The following MGMT variants were observed in gnomAD, a reference collection of about 807,000 sequenced individuals.
The protein encoded by MGMT is O-6-methylguanine-DNA methyltransferase.
MGMT carries 14 observed loss-of-function variants against 15.9 expected under a neutral mutation model. The observed-to-expected ratio is 0.88, with a 90% CI of 0.58 to 1.37. The LOEUF is 1.37. MGMT is among the 40% of genes most tolerant of loss of function. The pLI is 0.00. For missense variants in MGMT, 282 were observed against 268.1 expected (o/e 1.05, Z -0.36); for synonymous variants, 130 against 118.2 (o/e 1.10, Z -0.65).
intron 2 of MGMT, among the ~76,000 whole-genome samples, chr10:129,637,934 T>C (rs1847280607): frequency 6.6e-6 from 1 of 152,190 alleles, no homozygotes; most frequent in African/African-American, 2.4e-5. Context: ...CGGTCTATGG[T>C]ATTTTGTTAT....
At chr10:129,622,631 CA>C (rs988895032) in intron 2 of MGMT, among the ~76,000 whole-genome samples, 7 of 152,124 alleles carry the variant, frequency 4.6e-5, no homozygotes, top group African/African-American at 1.7e-4. Context: ...CTTTAGTGTC[CA>C]ATAACATTAC....
intron 1 of MGMT, among the ~76,000 whole-genome samples, chr10:129,530,185 G>C (rs1845915301): frequency 6.6e-6 from 1 of 150,780 alleles, no homozygotes; most frequent in African/African-American, 2.5e-5. Context: ...TTACGGGTGT[G>C]AGCCACCATG....
chr10:129,640,817 A>G (rs1423680289), intron 2 of MGMT, among the ~76,000 whole-genome samples: 3 of 152,174 alleles, frequency 2.0e-5, no homozygotes, highest in East Asian at 1.9e-4. Context: ...GTATTTCACA[A>G]TTAATCAGTT....
At chr10:129,648,956 G>GCTTT (rs2133095971) in intron 2 of MGMT, among the ~76,000 whole-genome samples, 1 of 152,300 alleles carries the variant, frequency 6.6e-6, no homozygotes, top group South Asian at 2.1e-4. Flanking sequence ...GGCGGAGGGA[G>GCTTT]CTTTGAGTAC....
intron 2 of MGMT, among the ~76,000 whole-genome samples, chr10:129,674,358 G>A (rs1188606114): frequency 4.6e-5 from 7 of 152,152 alleles, no homozygotes; most frequent in African/African-American, 9.7e-5. Flanking sequence ...TGCCACACAC[G>A]TTAGCGGTGG....
rs375911155 is a variant in MGMT, at chr10:129,689,145, G to T, written c.126-18750G>T. On this transcript the variant is annotated intron_variant, in intron 2 of 4. Coordinates refer to ENST00000651593, the MANE Select transcript of MGMT (RefSeq NM_002412.5). ...GGGTTTAGCCACTTTGCCCAGGTTT[G>T]TCTCAAATTCCTGGACTCAAGTTGT... 2.9e-3 allele frequency among the ~76,000 whole-genome samples: 440 copies of T among 152,198 alleles called. 3 individuals carry two copies. Among genetic ancestry groups the T allele is most frequent in the African/African-American group, 0.01 (432 of 41,520 alleles).
chr10:129,494,777 A>G lies in MGMT; in HGVS notation c.-13+27481A>G, dbSNP rs552791565. ...TGTTTAATGGTCTTAAGAGGTCTTT[A>G]GAGTCTATTCTAATCCTGACATCTG... is the stretch of plus-strand genomic sequence containing the variant. On this transcript the variant is annotated intron_variant, in intron 1 of 4. Coordinates refer to ENST00000651593, the MANE Select transcript of MGMT (RefSeq NM_002412.5). Among the ~76,000 whole-genome samples the G allele has an allele frequency of 9.5e-4, 144 of 152,348 alleles. 1 individual carries two copies. Among genetic ancestry groups the G allele is most frequent in the African/African-American group, 2.4e-3 (100 of 41,584 alleles).
chr10:129,482,309 A>G (rs1255078544), intron 1 of MGMT, among the ~76,000 whole-genome samples: 4 of 152,120 alleles, frequency 2.6e-5, no homozygotes, highest in Non-Finnish European at 4.4e-5. Context: ...TAATCCTCCT[A>G]GATTTGTTGA....
At chr10:129,699,347 T>G (rs1012463678) in intron 2 of MGMT, among the ~76,000 whole-genome samples, 7 of 152,206 alleles carry the variant, frequency 4.6e-5, no homozygotes, top group African/African-American at 1.4e-4. Flanking sequence ...AAGTGTTCTC[T>G]GTATTTTTGG....
intron 1 of MGMT, among the ~76,000 whole-genome samples, chr10:129,520,791 T>TGGTGCGGGTGCAGAGCCCCTAC (rs1228717490): frequency 4.5e-5 from 5 of 111,534 alleles, no homozygotes; most frequent in Admixed American, 2.6e-4. Flanking sequence ...AGAGCCCCTA[T>TGGTGCGGGTGCAGAGCCCCTAC]GGTGCGGGTG....
rs971905052 is a variant in MGMT at position 129,615,230 on chromosome 10, G to T, written c.125+78853G>T. 7.2e-5 allele frequency among the ~76,000 whole-genome samples: 11 copies of T among 152,280 alleles called. No individual in the cohort carries two copies. In the East Asian group the frequency reaches 2.1e-3, roughly 29 times the overall value. ...AATTAGGTTTGTTTTGATTTTAATT[G>T]TCAAAGGAAGGGACTGTGGGTGAGG... On this transcript the variant is annotated intron_variant, in intron 2 of 4. Coordinates refer to ENST00000651593, the MANE Select transcript of MGMT (RefSeq NM_002412.5).
At chr10:129,473,122 C>T (rs1032376841) in intron 1 of MGMT, among the ~76,000 whole-genome samples, 7 of 152,180 alleles carry the variant, frequency 4.6e-5, no homozygotes, top group African/African-American at 7.2e-5. Flanking sequence ...TCCCAAAGGA[C>T]GGACACAGGA....
chr10:129,495,758 C>T (rs915877825), intron 1 of MGMT, among the ~76,000 whole-genome samples: 2 of 152,220 alleles, frequency 1.3e-5, no homozygotes, highest in East Asian at 3.8e-4. Flanking sequence ...ATTCTTCTTC[C>T]CATTTTTCTC....
intron 2 of MGMT, among the ~76,000 whole-genome samples, chr10:129,568,838 C>T (rs2119816917): frequency 6.6e-6 from 1 of 152,256 alleles, no homozygotes; most frequent in East Asian, 1.9e-4. Flanking sequence ...GCCATTTCTT[C>T]CTGCGCTGCA....
rs755269264 is a variant in MGMT, at chr10:129,719,887, G to A, written c.274+11844G>A. ...GAGGGTAAAATGAGGCCACCAAACA[G>A]TCAGCAAAAGAAATACCTGCTTATT... On this transcript the variant is annotated intron_variant, in intron 3 of 4. Transcript: ENST00000651593. Among the ~76,000 whole-genome samples, 93 of 152,288 alleles carry A rather than the reference G, an allele frequency of 6.1e-4. 1 individual carries two copies. Among genetic ancestry groups the A allele is most frequent in the Non-Finnish European group, 8.7e-4 (59 of 68,028 alleles).
At chr10:129,714,406 GGAGA>G (rs1220033307) in intron 3 of MGMT, among the ~76,000 whole-genome samples, 1 of 152,228 alleles carries the variant, frequency 6.6e-6, no homozygotes, top group Non-Finnish European at 1.5e-5. Context: ...TCTTGGGCTA[GGAGA>G]GAGTTTTTAA....
intron 3 of MGMT, among the ~76,000 whole-genome samples, chr10:129,720,166 G>C (rs576692966): frequency 6.6e-6 from 1 of 152,186 alleles, no homozygotes; most frequent in African/African-American, 2.4e-5. Context: ...CACATGAAAT[G>C]AATGGAGCCA....
intron 2 of MGMT, 36 bp downstream of exon 2, chr10:129,536,413 A>ATGC (rs1471127695): frequency 1.9e-6 from 3 of 1,593,990 alleles, no homozygotes; most frequent in Non-Finnish European, 2.6e-6. Context: ...TATACCGCAC[A>ATGC]TGCTGAAGCA....
intron 2 of MGMT, among the ~76,000 whole-genome samples, chr10:129,650,745 G>A (rs1847447921): frequency 6.6e-6 from 1 of 152,044 alleles, no homozygotes; most frequent in Non-Finnish European, 1.5e-5. Flanking sequence ...TACCCTTCTC[G>A]GTCACACACT....
Sources: gnomAD v4.1 joint callset for allele counts (sites outside exome capture counted in the v4.1 genomes callset) on GRCh38, gnomAD v4.1.1 for gene constraint, MANE v1.5 for transcripts, NCBI Gene and HGNC (gene_info 2026-07-23, HGNC 2026-07-21) for gene names.